Variants in CUTC observed in about 807,000 individuals in gnomAD.
CUTC encodes cutC copper transporter.
In CUTC, 27 loss-of-function variants were observed where a neutral mutation model predicts 36.2. That is an observed-to-expected ratio of 0.75 (90% CI 0.55 to 1.03). The LOEUF is 1.03. Among genes scored for constraint, CUTC ranks in the 50% least tolerant of loss-of-function variants. CUTC has a pLI of 0.00. For synonymous variants in CUTC, 114 were observed against 118.3 expected, an observed-to-expected ratio of 0.96 and a Z score of 0.24; for missense variants, 315 against 343.5, an observed-to-expected ratio of 0.92 and a Z score of 0.66.
intron 3 of CUTC, 149 bp downstream of exon 3, chr10:99,739,918 A>T (rs1405794628): frequency 1.5e-6 from 1 of 663,854 alleles, no homozygotes; most frequent in East Asian, 3.0e-5. Flanking sequence ...TAAAAAAATC[A>T]AAGATTTGAT....
chr10:99,732,489 TTTC>T, intron 1 of CUTC, 80 bp downstream of exon 1: 2 of 1,541,874 alleles, frequency 1.3e-6, no homozygotes, highest in East Asian at 4.9e-5. Context: ...TCAGTGGTGA[TTTC>T]TTCTGGAGTC....
intron 5 of CUTC, 110 bp downstream of exon 5, chr10:99,744,182 A>G: frequency 1.2e-6 from 1 of 841,342 alleles, no homozygotes; most frequent in South Asian, 1.8e-5. Context: ...CAAGGTTACC[A>G]ATTGGTTTTT....
At chr10:99,739,586 A>G in intron 2 of CUTC, 124 bp from the exon 3 acceptor site, 1 of 844,628 alleles carries the variant, frequency 1.2e-6, no homozygotes, top group Middle Eastern at 2.5e-4. Flanking sequence ...TAGCTTTATA[A>G]TTTGATTTCT....
Position 99,755,999 on chromosome 10 carries a change from G to A in CUTC, c.*260G>A, listed in dbSNP as rs1034242990. 1 of 358,450 alleles carries A rather than the reference G, an allele frequency of 2.8e-6. No homozygotes were observed. Among genetic ancestry groups the A allele is most frequent in the African/African-American group, 2.1e-5 (1 of 47,606 alleles). The allele number at this position is 358,450 out of a possible 1,614,324, so 22.2% of individuals were successfully genotyped here. Reference sequence around the variant, plus strand: ...TGCTTCTTCCATAGACAGAAGCTTAGTCTGTTTTCAGTGGAATTAATTGAT... The same window carrying A: ...TGCTTCTTCCATAGACAGAAGCTTAATCTGTTTTCAGTGGAATTAATTGAT... On this transcript the variant is annotated 3_prime_UTR_variant, in exon 9 of 9. Coordinates refer to ENST00000370476, the MANE Select transcript of CUTC (RefSeq NM_015960.3).
chr10:99,732,338 A>G lies in CUTC; in HGVS notation c.-11A>G, dbSNP rs2037204837. 3 of 1,551,828 alleles carry G rather than the reference A, an allele frequency of 1.9e-6. No homozygotes were observed. The highest frequency in any genetic ancestry group is 1.2e-5 in the South Asian group (1 of 84,106). On this transcript the variant is annotated 5_prime_UTR_variant, in exon 1 of 9. Transcript: ENST00000370476. ...GAAACTGCAGGCGCACGAGGGAGGAACGCGTGGAGCATGAAAAGGCAGGGG... is the reference window on the plus strand; with the variant it reads ...GAAACTGCAGGCGCACGAGGGAGGAGCGCGTGGAGCATGAAAAGGCAGGGG...
intron 2 of CUTC, among the ~76,000 whole-genome samples, chr10:99,738,389 GGTGTGTGTGTGTGTGTGT>G (rs10693937): frequency 2.8e-5 from 4 of 142,860 alleles, no homozygotes; most frequent in African/African-American, 1.0e-4. Flanking sequence ...ACTCATACAG[GGTGTGTGTGTGTGTGTGT>G]GTGTGTGTGT....
intron 2 of CUTC, among the ~76,000 whole-genome samples, chr10:99,738,918 A>G (rs984918465): frequency 2.0e-5 from 3 of 152,074 alleles, no homozygotes; most frequent in East Asian, 3.9e-4. Context: ...GGTGACATTT[A>G]TTTTTCACTT....
chr10:99,754,508 G>A, intron 7 of CUTC, 21 bp from the exon 8 acceptor site: 1 of 1,453,888 alleles, frequency 6.9e-7, no homozygotes, highest in Non-Finnish European at 9.6e-7. Context: ...TACTTAATGT[G>A]TTACTTATTC....
In CUTC at chr10:99,743,236, G is replaced by T. The variant is rs2037353146; in HGVS notation, c.277G>T (p.Asp93Tyr). 1 of 1,614,126 alleles carries T rather than the reference G, an allele frequency of 6.2e-7. No homozygotes were observed. Among genetic ancestry groups the T allele is most frequent in the South Asian group, 1.1e-5 (1 of 91,078 alleles). The change falls in exon 4 of 9, where the codon GAT becomes TAT. Residue 93 changes from aspartate to tyrosine, a missense_variant. By Grantham distance (160) the Asp-to-Tyr change is radical. Transcript: ENST00000370476. ...RPRGGDFLYS[D>Y]REIEVMKADI... The stretch of plus-strand genomic sequence containing the variant: ...ACGGGGAGGTGATTTTTTGTATTCA[G>T]ATCGTGAAATTGAGGTGATGAAGGC...
intron 8 of CUTC, among the ~76,000 whole-genome samples, chr10:99,755,135 C>T (rs181561707): frequency 6.6e-6 from 1 of 152,002 alleles, no homozygotes; most frequent in African/African-American, 2.4e-5. Flanking sequence ...AAGACTCTTA[C>T]AATTTAATAG....
intron 2 of CUTC, among the ~76,000 whole-genome samples, chr10:99,737,043 C>T (rs1487603702): frequency 6.6e-6 from 1 of 152,094 alleles, no homozygotes; most frequent in African/African-American, 2.4e-5. Context: ...GCTGAGGCTG[C>T]CAGATCACTT....
Position 99,739,705 on chromosome 10 carries a change from T to G in CUTC, c.134-5T>G, listed in dbSNP as rs1478033118. ...AATGTGTTGAGCAATGCTTTTATATTACAGGTGCTGATCGGATTGAATTAT... is the reference window on the plus strand; with the variant it reads ...AATGTGTTGAGCAATGCTTTTATATGACAGGTGCTGATCGGATTGAATTAT... On this transcript the variant is annotated splice_polypyrimidine_tract_variant and splice_region_variant and intron_variant, in intron 2 of 8. Coordinates refer to ENST00000370476, the MANE Select transcript of CUTC (RefSeq NM_015960.3). The G allele has an allele frequency of 3.1e-6, 5 of 1,609,606 alleles. No homozygotes were observed. The highest frequency in any genetic ancestry group is 4.2e-6 in the Non-Finnish European group (5 of 1,178,532).
In CUTC at chr10:99,732,635, G is replaced by A. The variant is rs186438310; in HGVS notation, c.61+226G>A. 4.0e-5 allele frequency: 57 copies of A among 1,419,592 alleles called. No homozygotes were observed. The highest frequency in any genetic ancestry group is 6.1e-5 in the Admixed American group (2 of 32,554). 87.9% of individuals were successfully genotyped at this position (1,419,592 alleles called of 1,614,324 possible). ...CTGTGGAGCCAAGGTTCGAGTCCCG[G>A]GGTCCCCTCATAACGGCCCTGCGAC... On this transcript the variant is annotated intron_variant, in intron 1 of 8. Coordinates refer to ENST00000370476, the MANE Select transcript of CUTC (RefSeq NM_015960.3).
intron 5 of CUTC, among the ~76,000 whole-genome samples, chr10:99,745,535 A>G (rs1298979481): frequency 6.6e-6 from 1 of 152,132 alleles, no homozygotes; most frequent in African/African-American, 2.4e-5. Flanking sequence ...TTACTCTTTG[A>G]GGGCTCTGAG....
intron 4 of CUTC, 32 bp from the exon 5 acceptor site, chr10:99,744,001 CTTCA>C (rs780718729): frequency 7.6e-6 from 12 of 1,585,926 alleles, no homozygotes; most frequent in Non-Finnish European, 1.0e-5. Flanking sequence ...GTGATGACAT[CTTCA>C]TTCATGTTGT....
intron 1 of CUTC, 106 bp downstream of exon 1, chr10:99,732,515 C>A: frequency 6.6e-7 from 1 of 1,512,806 alleles, no homozygotes; most frequent in Non-Finnish European, 8.8e-7. Flanking sequence ...TTCCTCAGCT[C>A]CTTCCAGCCC....
At chr10:99,752,439 A>T (rs1236250361) in intron 7 of CUTC, among the ~76,000 whole-genome samples, 1 of 152,054 alleles carries the variant, frequency 6.6e-6, no homozygotes, top group Admixed American at 6.6e-5. Context: ...GAAGGCTTTG[A>T]CCTATAACAA....
rs751765874 is a variant in CUTC at position 99,747,367 on chromosome 10, C to T, written c.550C>T (p.Leu184=). 6.2e-7 allele frequency: 1 copy of T among 1,613,978 alleles called. No individual in the cohort carries two copies. The highest frequency in any genetic ancestry group is 1.7e-5 in the Admixed American group (1 of 60,022). Residue 184 remains leucine (L), a synonymous_variant, in exon 6 of 9, where the codon CTA becomes TTA. Coordinates refer to ENST00000370476, the MANE Select transcript of CUTC (RefSeq NM_015960.3). ...CDSSALEGLP[L]IKRLIEQAKG... ...CAGTTCAGCATTAGAAGGGCTACCC[C>T]TAATAAAGCGACTCATTGAGCAGGT...
Position 99,755,610 on chromosome 10 carries a change from T to A in CUTC, c.708-15T>A, listed in dbSNP as rs1429162597. The A allele has an allele frequency of 6.6e-7, 1 of 1,519,920 alleles. No homozygotes were observed. Among genetic ancestry groups the A allele is most frequent in the Non-Finnish European group, 9.1e-7 (1 of 1,095,746 alleles). 94.2% of individuals were successfully genotyped at this position (1,519,920 alleles called of 1,614,324 possible). A position where few individuals can be genotyped will look rare whatever the true frequency, so the allele number is the denominator to read the frequency against. On this transcript the variant is annotated splice_polypyrimidine_tract_variant and intron_variant, in intron 8 of 8. Coordinates refer to ENST00000370476, the MANE Select transcript of CUTC (RefSeq NM_015960.3). ...AATAACATAATTATCTGTTCCTTTA[T>A]TATTTCTGTTACAGAAATTCATCTG...
Sources: gnomAD v4.1 joint callset for allele counts (sites outside exome capture counted in the v4.1 genomes callset) on GRCh38, gnomAD v4.1.1 for gene constraint, MANE v1.5 for transcripts, NCBI Gene and HGNC (gene_info 2026-07-23, HGNC 2026-07-21) for gene names.